Variants in CYP4F3 observed in about 807,000 individuals in gnomAD.
CYP4F3 encodes the protein cytochrome P450 family 4 subfamily F member 3.
Under a neutral mutation model 54.8 loss-of-function variants are expected in CYP4F3, and 50 were observed. That is an observed-to-expected ratio of 0.91 (90% confidence interval 0.73 to 1.16). The LOEUF is 1.16. CYP4F3 is among the 50% of genes most tolerant of loss of function. The probability of loss-of-function intolerance (pLI) is 0.00; values close to 1 mark genes in which losing one functional copy is unlikely to be tolerated. For synonymous variants in CYP4F3, 244 were observed against 262.6 expected (o/e 0.93, Z 0.69); for missense variants, 715 against 676.2 (o/e 1.06, Z -0.64).
chr19:15,649,779 C>T lies in CYP4F3; in HGVS notation c.648-134C>T, dbSNP rs908686278. The T allele has an allele frequency of 4.6e-6, 6 of 1,299,424 alleles. No individual in the cohort carries two copies. The African/African-American group carries it at 7.4e-5, about 16-fold the overall frequency. 80.5% of individuals were successfully genotyped at this position (1,299,424 alleles called of 1,614,324 possible). A position where few individuals can be genotyped will look rare whatever the true frequency, so the allele number is the denominator to read the frequency against. ...AGTCGATTTCATGCTGATCCCCATC[C>T]TGCATCTGAGGGGCCATCTGTTCCT... is the stretch of plus-strand genomic sequence containing the variant. On this transcript the variant is annotated intron_variant, in intron 6 of 12. Coordinates refer to ENST00000221307, the MANE Select transcript of CYP4F3 (RefSeq NM_000896.3).
In CYP4F3 at chr19:15,659,332, C is replaced by G; in HGVS notation, c.1510C>G (p.Leu504Val). The G allele has an allele frequency of 6.2e-7, 1 of 1,613,664 alleles. No homozygotes were observed. Among genetic ancestry groups the G allele is most frequent in the Non-Finnish European group, 8.5e-7 (1 of 1,179,852 alleles). ...DHTEPRRKPE[L>V]VLRAEGGLWL... is the part of the protein sequence containing the mutation. ...CACCGAGCCCCGCAGGAAGCCGGAGCTGGTCCTGCGCGCAGAGGGCGGACT... is the reference window on the plus strand; with the variant it reads ...CACCGAGCCCCGCAGGAAGCCGGAGGTGGTCCTGCGCGCAGAGGGCGGACT... The change falls in exon 13 of 13, where the codon CTG becomes GTG. Residue 504 changes from leucine to valine, a missense_variant. Coordinates refer to ENST00000221307, the MANE Select transcript of CYP4F3 (RefSeq NM_000896.3).
At position 15,649,907 on chromosome 19, in the gene CYP4F3, C is replaced by T. The variant is rs765949141; in HGVS notation, c.648-6C>T. 1 of 1,613,046 alleles carries T rather than the reference C, an allele frequency of 6.2e-7. No individual in the cohort carries two copies. Among genetic ancestry groups the T allele is most frequent in the South Asian group, 1.1e-5 (1 of 91,068 alleles). On this transcript the variant is annotated splice_region_variant and splice_polypyrimidine_tract_variant and intron_variant, in intron 6 of 12. Coordinates refer to ENST00000221307, the MANE Select transcript of CYP4F3 (RefSeq NM_000896.3). ...TGTTGCCTCCCTTTCTGCCCTTATC[C>T]TGCAGGAAGCCCAGTGAATATATTG...
chr19:15,657,255 A>G (rs977559241), intron 9 of CYP4F3, among the ~76,000 whole-genome samples: 2 of 152,342 alleles, frequency 1.3e-5, no homozygotes, highest in Admixed American at 6.5e-5. Context: ...TGCAGGACAA[A>G]TTCTCTGAAG....
At chr19:15,649,062 A>T in intron 5 of CYP4F3, 98 bp from the exon 6 acceptor site, 1 of 1,539,912 alleles carries the variant, frequency 6.5e-7, no homozygotes, top group East Asian at 2.3e-5. Context: ...GAGAAGATGA[A>T]GAGGCTTATT....
In CYP4F3 at chr19:15,659,344, G is replaced by T. The variant is rs769603208; in HGVS notation, c.1522G>T (p.Ala508Ser). The T allele has an allele frequency of 1.2e-6, 2 of 1,613,302 alleles. No homozygotes were observed. Among genetic ancestry groups the T allele is most frequent in the Middle Eastern group, 1.7e-4 (1 of 6,056 alleles). ...PRRKPELVLR[A>S]EGGLWLRVEP... ...CAGGAAGCCGGAGCTGGTCCTGCGC[G>T]CAGAGGGCGGACTTTGGCTGCGGGT... is the stretch of plus-strand genomic sequence containing the variant. The change falls in exon 13 of 13, where the codon GCA (alanine) becomes TCA (serine). Residue 508 changes from alanine to serine, a missense_variant. Transcript: ENST00000221307.
chr19:15,650,684 C>CTTTCTTTCTTTCTTTCTTT (rs1568397565), intron 7 of CYP4F3, among the ~76,000 whole-genome samples: 13 of 70,066 alleles, frequency 1.9e-4, no homozygotes, highest in South Asian at 1.1e-3. Flanking sequence ...TTCTTTCTTT[C>CTTTCTTTCTTTCTTTCTTT]TTTCTTTCTT....
At chr19:15,642,904 G>A (rs893472442) in intron 2 of CYP4F3, among the ~76,000 whole-genome samples, 2 of 151,708 alleles carry the variant, frequency 1.3e-5, no homozygotes, top group African/African-American at 2.4e-5. Flanking sequence ...ATGGATGGAT[G>A]GATGGATGGA....
chr19:15,658,759 C>T lies in CYP4F3; in HGVS notation c.1347C>T (p.Asn449=). Residue 449 remains asparagine, a synonymous_variant, in exon 12 of 13, where the codon AAC becomes AAT. Transcript: ENST00000221307. The part of the protein sequence containing the change: ...VYDPFRFDPK[N]IKERSPLAFI... ...ACCCCTTTCGCTTTGACCCAAAGAACATCAAGGAGAGGTCACCTCTGGCTT... is the reference window on the plus strand; with the variant it reads ...ACCCCTTTCGCTTTGACCCAAAGAATATCAAGGAGAGGTCACCTCTGGCTT... 1 of 1,614,156 alleles carries T rather than the reference C, an allele frequency of 6.2e-7. No individual in the cohort carries two copies. The highest frequency in any genetic ancestry group is 2.2e-5 in the East Asian group (1 of 44,856).
At chr19:15,645,455 A>G (rs1568393192) in intron 2 of CYP4F3, among the ~76,000 whole-genome samples, 1 of 152,318 alleles carries the variant, frequency 6.6e-6, no homozygotes, top group South Asian at 2.1e-4. Flanking sequence ...CAGTCTCTTC[A>G]TCTGGAAAAT....
chr19:15,642,479 C>T (rs1216889324), intron 2 of CYP4F3, among the ~76,000 whole-genome samples: 1 of 152,166 alleles, frequency 6.6e-6, no homozygotes, highest in Non-Finnish European at 1.5e-5. Context: ...GAGGAACCAG[C>T]CAGGGCATGA....
intron 9 of CYP4F3, among the ~76,000 whole-genome samples, chr19:15,653,167 T>C (rs1972910123): frequency 6.6e-6 from 1 of 152,064 alleles, no homozygotes; most frequent in Non-Finnish European, 1.5e-5. Flanking sequence ...TCTGAGAGAA[T>C]TGTTGATGAT....
At position 15,643,405 on chromosome 19, in the gene CYP4F3, A is replaced by AATAGATAG. The variant is rs57178444; in HGVS notation, c.198+1838_198+1845dup. Among the ~76,000 whole-genome samples the AATAGATAG allele has an allele frequency of 7.4e-3, 734 of 99,352 alleles. 7 individuals carry two copies. The highest frequency in any genetic ancestry group is 0.012 in the South Asian group (41 of 3,460). The allele number at this position is 99,352 out of a possible 152,430, so 65.2% of individuals were successfully genotyped here. A position where few individuals can be genotyped will look rare whatever the true frequency, so the allele number is the denominator to read the frequency against. On this transcript the variant is annotated intron_variant, in intron 2 of 12. Coordinates refer to ENST00000221307, the MANE Select transcript of CYP4F3 (RefSeq NM_000896.3). Reference sequence around the variant, plus strand: ...AGATATGTAGAGATATATATAGGTAAATAGATAGATAGATAGATAGATAGA... The same window carrying AATAGATAG: ...AGATATGTAGAGATATATATAGGTAAATAGATAGATAGATAGATAGATAGATAGATAGA...
rs1389170413 is a variant in CYP4F3, at chr19:15,658,508, A to G, written c.1267A>G (p.Ser423Gly). The G allele has an allele frequency of 6.2e-7, 1 of 1,614,056 alleles. No individual in the cohort carries two copies. The highest frequency in any genetic ancestry group is 1.1e-5 in the South Asian group (1 of 91,072). The change falls in exon 11 of 13, where the codon AGT becomes GGT. Residue 423 changes from serine (S) to glycine (G), a missense_variant. Transcript: ENST00000221307. ...TCCCACAGGCATTATCTGCCTCATCAGTGTTTTTGGAACCCATCACAACCC... is the reference window on the plus strand; with the variant it reads ...TCCCACAGGCATTATCTGCCTCATCGGTGTTTTTGGAACCCATCACAACCC... ...VIPKGIICLISVFGTHHNPAV... is the reference protein window; with the variant it reads ...VIPKGIICLIGVFGTHHNPAV...
At chr19:15,655,109 T>G (rs1028043825) in intron 9 of CYP4F3, among the ~76,000 whole-genome samples, 2 of 152,262 alleles carry the variant, frequency 1.3e-5, no homozygotes, top group African/African-American at 4.8e-5. Context: ...TGATTTGCAT[T>G]TCTCTGACTG....
At chr19:15,645,904 G>A (rs1423725754) in intron 3 of CYP4F3, 41 bp downstream of exon 3, 1 of 1,531,938 alleles carries the variant, frequency 6.5e-7, no homozygotes. Context: ...CACTGCACTG[G>A]CCACGCCTTG....
intron 7 of CYP4F3, among the ~76,000 whole-genome samples, chr19:15,650,531 TCTATGA>T (rs1972764278): frequency 6.6e-6 from 1 of 152,228 alleles, no homozygotes; most frequent in South Asian, 2.1e-4. Context: ...TGTGTCTCTC[TCTATGA>T]CTATGACTAT....
Position 15,641,580 on chromosome 19 carries a change from G to T in CYP4F3, c.165G>T (p.Pro55=). The T allele has an allele frequency of 6.2e-7, 1 of 1,614,042 alleles. No individual in the cohort carries two copies. The highest frequency in any genetic ancestry group is 8.5e-7 in the Non-Finnish European group (1 of 1,180,002). Residue 55 remains proline, a synonymous_variant, in exon 2 of 13, where the codon CCG becomes CCT. Coordinates refer to ENST00000221307, the MANE Select transcript of CYP4F3 (RefSeq NM_000896.3). ...GCCTCCGGTGTTTCCCGCAACCCCCGAAACGGAATTGGTTCTTGGGTCACC... is the reference window on the plus strand; with the variant it reads ...GCCTCCGGTGTTTCCCGCAACCCCCTAAACGGAATTGGTTCTTGGGTCACC... The part of the protein sequence containing the change: ...CCRLRCFPQP[P]KRNWFLGHLG...
rs376915265 is a variant in CYP4F3, at chr19:15,654,083, A to G, written c.1115+1131A>G. ...GACATTCTGAGGCTCAAGCCAGGCC[A>G]GGGGCTGGAGGAAGGAGAGGAAGCA... On this transcript the variant is annotated intron_variant, in intron 9 of 12. Transcript: ENST00000221307. 7.3e-5 allele frequency among the ~76,000 whole-genome samples: 7 copies of G among 96,094 alleles called. No homozygotes were observed. In the East Asian group the frequency reaches 8.4e-4, roughly 12 times the overall value. The allele number at this position is 96,094 out of a possible 152,430, so 63.0% of individuals were successfully genotyped here.
In CYP4F3 at chr19:15,659,311, G is replaced by C. The variant is rs1216034192; in HGVS notation, c.1489G>C (p.Glu497Gln). ...LRFRVLPDHT[E>Q]PRRKPELVLR... ...CTTCCGCGTCCTGCCTGACCACACCGAGCCCCGCAGGAAGCCGGAGCTGGT... is the reference window on the plus strand; with the variant it reads ...CTTCCGCGTCCTGCCTGACCACACCCAGCCCCGCAGGAAGCCGGAGCTGGT... Residue 497 changes from glutamate to glutamine, a missense_variant, in exon 13 of 13, where the codon GAG (glutamate) becomes CAG (glutamine). Physicochemically the swap from Glu to Gln is conservative, Grantham distance 29. Coordinates refer to ENST00000221307, the MANE Select transcript of CYP4F3 (RefSeq NM_000896.3). 1 of 1,613,506 alleles carries C rather than the reference G, an allele frequency of 6.2e-7. No homozygotes were observed.
Sources: gnomAD v4.1 joint callset for allele counts (sites outside exome capture counted in the v4.1 genomes callset) on GRCh38, gnomAD v4.1.1 for gene constraint, MANE v1.5 for transcripts, NCBI Gene and HGNC (gene_info 2026-07-23, HGNC 2026-07-21) for gene names.